The following NUSAP1 variants were observed in gnomAD, a reference collection of about 807,000 sequenced individuals.
NUSAP1 encodes the protein nucleolar and spindle-associated protein 1.
Under a neutral mutation model 52.8 loss-of-function variants are expected in NUSAP1, and 32 were observed. The ratio of observed to expected loss-of-function variants is 0.61; its 90% CI spans 0.46 to 0.81. NUSAP1 has a LOEUF of 0.81. Ranked by LOEUF, NUSAP1 falls within the 40% of genes least tolerant of loss-of-function variation. The pLI is 0.00. For synonymous variants in NUSAP1, 195 were observed against 183.1 expected, an observed-to-expected ratio of 1.06 and a Z score of -0.52; for missense variants, 499 against 522.3, an observed-to-expected ratio of 0.96 and a Z score of 0.43.
rs531643240 is a variant in NUSAP1 at position 41,340,845 on chromosome 15, A to G, written c.94-1541A>G. 7.9e-5 allele frequency among the ~76,000 whole-genome samples: 12 copies of G among 152,300 alleles called. No individual in the cohort carries two copies. In the East Asian group the frequency reaches 2.1e-3, roughly 27 times the overall value. ...GATGCAGAGCATTCTGGTAAAGTGG[A>G]TTGGAGACTGTGGCTTAGGCTTGCA... On this transcript the variant is annotated intron_variant, in intron 1 of 10. Transcript: ENST00000559596.
intron 6 of NUSAP1, among the ~76,000 whole-genome samples, chr15:41,358,788 A>G (rs754540564): frequency 1.3e-4 from 20 of 152,210 alleles, no homozygotes; most frequent in African/African-American, 2.2e-4. Context: ...CAAAATGGCA[A>G]TGTCATTCTA....
intron 7 of NUSAP1, among the ~76,000 whole-genome samples, chr15:41,368,337 A>G (rs1287933441): frequency 2.0e-5 from 3 of 152,130 alleles, no homozygotes; most frequent in African/African-American, 7.2e-5. Flanking sequence ...TCATTTTATT[A>G]ATATATGACT....
chr15:41,334,377 A>G (rs939086501), intron 1 of NUSAP1, among the ~76,000 whole-genome samples: 4 of 152,068 alleles, frequency 2.6e-5, no homozygotes, highest in African/African-American at 7.2e-5. Context: ...TCAGCCCCCA[A>G]AGTACTGGGA....
chr15:41,378,425 C>G (rs955927944), intron 10 of NUSAP1, among the ~76,000 whole-genome samples: 1 of 152,156 alleles, frequency 6.6e-6, no homozygotes, highest in Non-Finnish European at 1.5e-5. Context: ...CTTGGACCCT[C>G]GTGACACAGG....
chr15:41,368,113 G>T (rs193177679), intron 7 of NUSAP1, among the ~76,000 whole-genome samples: 35 of 152,208 alleles, frequency 2.3e-4, no homozygotes, highest in African/African-American at 7.5e-4. Flanking sequence ...CCTTTCTTGT[G>T]GGGGGATGAA....
At position 41,358,114 on chromosome 15, in the gene NUSAP1, G is replaced by T. The variant is rs1359311853; in HGVS notation, c.551-35G>T. 8 of 944,830 alleles carry T rather than the reference G, an allele frequency of 8.5e-6. No homozygotes were observed. In the East Asian group the frequency reaches 1.8e-4, roughly 21 times the overall value. The allele number at this position is 944,830 out of a possible 1,614,324, so 58.5% of individuals were successfully genotyped here. ...CAGAGAAGATAAATAAATGGATTTT[G>T]TTTTGTTATTAATTTTTATATTGGA... is the stretch of plus-strand genomic sequence containing the variant. On this transcript the variant is annotated intron_variant, in intron 5 of 10. Coordinates refer to ENST00000559596, the MANE Select transcript of NUSAP1 (RefSeq NM_016359.5).
At chr15:41,374,990 T>C (rs2049861194) in intron 8 of NUSAP1, among the ~76,000 whole-genome samples, 1 of 149,748 alleles carries the variant, frequency 6.7e-6, no homozygotes, top group Admixed American at 6.7e-5. Context: ...TACAGGCACG[T>C]GCCACCACAC....
At chr15:41,371,894 C>T (rs1323799079) in intron 8 of NUSAP1, among the ~76,000 whole-genome samples, 3 of 152,044 alleles carry the variant, frequency 2.0e-5, no homozygotes, top group African/African-American at 4.8e-5. Context: ...CCTCAGCCTC[C>T]TGAGTAGCTG....
At chr15:41,359,067 T>G (rs1196821836) in intron 6 of NUSAP1, among the ~76,000 whole-genome samples, 4 of 152,166 alleles carry the variant, frequency 2.6e-5, no homozygotes, top group Admixed American at 1.3e-4. Context: ...CAAGTTGATG[T>G]TATTGGTATC....
intron 1 of NUSAP1, among the ~76,000 whole-genome samples, chr15:41,338,319 T>G (rs2048244947): frequency 1.3e-5 from 2 of 152,178 alleles, no homozygotes; most frequent in Admixed American, 1.3e-4. Context: ...CCTGGGATGC[T>G]GACTCGTGTA....
chr15:41,337,451 A>G (rs2140509343), intron 1 of NUSAP1, among the ~76,000 whole-genome samples: 1 of 152,220 alleles, frequency 6.6e-6, no homozygotes, highest in East Asian at 1.9e-4. Flanking sequence ...CATTCCTACA[A>G]TTAGAGCCTC....
intron 6 of NUSAP1, among the ~76,000 whole-genome samples, chr15:41,362,814 T>G (rs1459713688): frequency 6.6e-6 from 1 of 152,058 alleles, no homozygotes; most frequent in African/African-American, 2.4e-5. Context: ...AACTCTTCCT[T>G]TTAAGGCTTA....
At chr15:41,345,713 C>T (rs2048543174) in intron 2 of NUSAP1, 2 of 252,436 alleles carry the variant, frequency 7.9e-6, no homozygotes, top group South Asian at 3.6e-5. Context: ...CCACCTCGGC[C>T]TCCCAAAGTG....
At chr15:41,333,974 G>A (rs1273170721) in intron 1 of NUSAP1, among the ~76,000 whole-genome samples, 1 of 152,190 alleles carries the variant, frequency 6.6e-6, no homozygotes, top group Non-Finnish European at 1.5e-5. Flanking sequence ...ATTTAATGTA[G>A]GATAGCGGTT....
intron 10 of NUSAP1, among the ~76,000 whole-genome samples, chr15:41,378,944 GTTTTTTTTT>G (rs1187469450): frequency 2.2e-4 from 14 of 63,262 alleles, no homozygotes; most frequent in East Asian, 5.9e-4. Flanking sequence ...ACTTATCTTG[GTTTTTTTTT>G]TTTTTTTTTT....
intron 10 of NUSAP1, among the ~76,000 whole-genome samples, chr15:41,378,943 G>GTTTTTTTTTT (rs1453721233): frequency 1.6e-5 from 1 of 62,824 alleles, no homozygotes; most frequent in Non-Finnish European, 2.7e-5. Flanking sequence ...AACTTATCTT[G>GTTTTTTTTTT]GTTTTTTTTT....
chr15:41,339,337 A>C (rs1158921967), intron 1 of NUSAP1, among the ~76,000 whole-genome samples: 1 of 152,152 alleles, frequency 6.6e-6, no homozygotes, highest in African/African-American at 2.4e-5. Flanking sequence ...TAGAGAAACC[A>C]AATATGAGAC....
At chr15:41,378,006 G>A (rs1197377699) in intron 10 of NUSAP1, among the ~76,000 whole-genome samples, 1 of 151,782 alleles carries the variant, frequency 6.6e-6, no homozygotes, top group Non-Finnish European at 1.5e-5. Flanking sequence ...AAAAAAAAGT[G>A]GTATCGTGTA....
chr15:41,370,479 G>C (rs995820430), intron 7 of NUSAP1, among the ~76,000 whole-genome samples: 1 of 151,924 alleles, frequency 6.6e-6, no homozygotes, highest in Non-Finnish European at 1.5e-5. Context: ...AGCTGGGCGC[G>C]GTGGCTCATG....
Sources: allele counts gnomAD v4.1 joint callset (sites outside exome capture counted in the v4.1 genomes callset), GRCh38; gene constraint gnomAD v4.1.1; transcripts MANE v1.5; gene names NCBI Gene and HGNC (gene_info 2026-07-23, HGNC 2026-07-21).